Variants in KDM1B observed in about 807,000 individuals in gnomAD.
KDM1B encodes lysine-specific histone demethylase 2.
KDM1B carries 63 observed loss-of-function variants against 107.4 expected under a neutral mutation model. That is an observed-to-expected ratio of 0.59 (90% confidence interval 0.48 to 0.72). The LOEUF (loss-of-function observed/expected upper bound fraction) is 0.72, where lower values mean the gene tolerates loss of function less well. Ranked by LOEUF, KDM1B falls within the 30% of genes least tolerant of loss-of-function variation. The probability of loss-of-function intolerance (pLI) is 0.00; values close to 1 mark genes in which losing one functional copy is unlikely to be tolerated. For synonymous variants in KDM1B, 363 were observed against 363.9 expected (o/e 1.00, Z 0.03); for missense variants, 749 against 1,020.8 (o/e 0.73, Z 3.63).
chr6:18,176,012 T>C (rs868055477), intron 7 of KDM1B, among the ~76,000 whole-genome samples: 2 of 152,134 alleles, frequency 1.3e-5, no homozygotes, highest in South Asian at 4.1e-4. Context: ...ATGATAGTAG[T>C]ATTTTGATGG....
chr6:18,188,016 C>T lies in KDM1B; in HGVS notation c.784+14C>T, dbSNP rs771695380. On this transcript the variant is annotated intron_variant, in intron 9 of 21. Transcript: ENST00000650836. ...TCTCCGTGCACGGTGAGAGCCATTC[C>T]TGGGACTCCCTGCTTTCTATTCCCC... The T allele has an allele frequency of 6.3e-5, 97 of 1,544,494 alleles. No individual in the cohort carries two copies. The highest frequency in any genetic ancestry group is 7.7e-5 in the Non-Finnish European group (88 of 1,141,970).
intron 17 of KDM1B, among the ~76,000 whole-genome samples, chr6:18,208,906 G>A (rs1202300734): frequency 2.7e-5 from 4 of 150,364 alleles, no homozygotes; most frequent in East Asian, 3.9e-4. Context: ...CGCCCGCCTC[G>A]GCCTCCCAAA....
At position 18,191,530 on chromosome 6, in the gene KDM1B, G is replaced by A; in HGVS notation, c.969+149G>A. ...ATTTGGGCAGATAATTCTTTGTGGT[G>A]GGGACTGTCTTTGCACTGTAGGATA... is the stretch of plus-strand genomic sequence containing the variant. On this transcript the variant is annotated intron_variant, in intron 10 of 21. Transcript: ENST00000650836. The surrounding 1 kb of genome is among the most constrained non-coding windows in gnomAD (Gnocchi z 5.1). 1.1e-6 allele frequency: 1 copy of A among 885,820 alleles called. No homozygotes were observed. Among genetic ancestry groups the A allele is most frequent in the East Asian group, 2.7e-5 (1 of 37,262 alleles). 54.9% of individuals were successfully genotyped at this position (885,820 alleles called of 1,614,324 possible).
At chr6:18,217,712 A>G (rs369107327) in intron 20 of KDM1B, 21 bp from the exon 21 acceptor site, 4 of 1,606,820 alleles carry the variant, frequency 2.5e-6, no homozygotes, top group Non-Finnish European at 3.4e-6. Flanking sequence ...CTACTTCATA[A>G]TTCCTTTCTA....
rs529774829 is a variant in KDM1B at position 18,201,111 on chromosome 6, A to C, written c.1360-375A>C. Among the ~76,000 whole-genome samples the C allele has an allele frequency of 6.6e-6, 1 of 152,204 alleles. No individual in the cohort carries two copies. The highest frequency in any genetic ancestry group is 1.5e-5 in the Non-Finnish European group (1 of 68,040). ...TGAAATGTTTATTGATGGTCAATTC[A>C]ATTTCAACTTCTGCTATGAGTGTTT... On this transcript the variant is annotated intron_variant, in intron 13 of 21. Coordinates refer to ENST00000650836, the MANE Select transcript of KDM1B (RefSeq NM_001364614.2). The surrounding 1 kb of genome is among the most constrained non-coding windows in gnomAD (Gnocchi z 4.3).
chr6:18,184,736 C>CTTTTTTTT (rs58897300), intron 7 of KDM1B, among the ~76,000 whole-genome samples: 12,533 of 65,214 alleles, frequency 0.19, 2,658 homozygotes, highest in Non-Finnish European at 0.23. Context: ...AGCTTTTTTC[C>CTTTTTTTT]TTTTTTTTTT....
intron 7 of KDM1B, among the ~76,000 whole-genome samples, chr6:18,185,432 G>A (rs1184446776): frequency 6.6e-6 from 1 of 151,994 alleles, no homozygotes; most frequent in Non-Finnish European, 1.5e-5. Context: ...CTCTCCAGTA[G>A]CTGAGATTAC....
chr6:18,174,116 G>A (rs1005862302), intron 7 of KDM1B, among the ~76,000 whole-genome samples: 1 of 152,118 alleles, frequency 6.6e-6, no homozygotes, highest in African/African-American at 2.4e-5. Context: ...AAATCAATTG[G>A]CCGTATGTGT....
intron 20 of KDM1B, 27 bp from the exon 21 acceptor site, chr6:18,217,706 T>C: frequency 1.2e-6 from 2 of 1,604,026 alleles, no homozygotes. Context: ...TTGATCCTAC[T>C]TCATAATTCC....
Position 18,159,191 on chromosome 6 carries a change from C to A in KDM1B, c.-13-692C>A, listed in dbSNP as rs1247590822. ...CAATGTTGGTCAGACTGGTCTCGAA[C>A]TCCTGACCTCATGATCCGCCTGCCT... On this transcript the variant is annotated intron_variant, in intron 2 of 21. Transcript: ENST00000650836. The surrounding 1 kb of genome is among the most constrained non-coding windows in gnomAD (Gnocchi z 4.5). Among the ~76,000 whole-genome samples the A allele has an allele frequency of 6.6e-6, 1 of 152,186 alleles. No homozygotes were observed. Among genetic ancestry groups the A allele is most frequent in the African/African-American group, 2.4e-5 (1 of 41,446 alleles).
rs1426467420 is a variant in KDM1B at position 18,186,578 on chromosome 6, A to G, written c.573+768A>G. Among the ~76,000 whole-genome samples, 1 of 152,152 alleles carries G rather than the reference A, an allele frequency of 6.6e-6. No individual in the cohort carries two copies. On this transcript the variant is annotated intron_variant, in intron 8 of 21. Transcript: ENST00000650836. The surrounding 1 kb of genome is among the most constrained non-coding windows in gnomAD (Gnocchi z 5.6). ...TTCTGTTATATAAAAGGGTGTTTGCATGTGTATTAGTCCGTTCTCACGCTG... is the reference window on the plus strand; with the variant it reads ...TTCTGTTATATAAAAGGGTGTTTGCGTGTGTATTAGTCCGTTCTCACGCTG...
intron 7 of KDM1B, among the ~76,000 whole-genome samples, chr6:18,180,338 C>T (rs1786373124): frequency 6.6e-6 from 1 of 151,976 alleles, no homozygotes; most frequent in African/African-American, 2.4e-5. Context: ...TCCCAGATTA[C>T]TTGACAATGA....
Position 18,214,570 on chromosome 6 carries a change from C to T in KDM1B, c.2110-437C>T, listed in dbSNP as rs892792434. 2.6e-5 allele frequency among the ~76,000 whole-genome samples: 4 copies of T among 152,102 alleles called. No individual in the cohort carries two copies. The highest frequency in any genetic ancestry group is 5.9e-5 in the Non-Finnish European group (4 of 68,026). On this transcript the variant is annotated intron_variant, in intron 19 of 21. Transcript: ENST00000650836. This position sits in a 1 kb window ranked among gnomAD's most constrained non-coding sequence, Gnocchi z 4.4. The stretch of plus-strand genomic sequence containing the variant: ...GCGAGGAAAATGGACTGGCGAGTGA[C>T]GTGCGGATAAGGGACAGCCAGAAAT...
Position 18,201,277 on chromosome 6 carries a change from A to C in KDM1B, c.1360-209A>C, listed in dbSNP as rs214613. 6.6e-6 allele frequency among the ~76,000 whole-genome samples: 1 copy of C among 152,068 alleles called. No homozygotes were observed. The highest frequency in any genetic ancestry group is 2.4e-5 in the African/African-American group (1 of 41,372). On this transcript the variant is annotated intron_variant, in intron 13 of 21. Transcript: ENST00000650836. The surrounding 1 kb of genome is among the most constrained non-coding windows in gnomAD (Gnocchi z 4.3). ...TAGGAGCTGTTGCTGCCCCTCTCAC[A>C]TTCTCATCAAATAAAATCTTGTAGA... is the stretch of plus-strand genomic sequence containing the variant.
chr6:18,165,801 G>A (rs1019301894), intron 5 of KDM1B, among the ~76,000 whole-genome samples: 2 of 152,186 alleles, frequency 1.3e-5, no homozygotes, highest in Non-Finnish European at 2.9e-5. Flanking sequence ...CAGCCTGGGT[G>A]ACAGAGTGAG....
chr6:18,171,683 A>G (rs905872257), intron 7 of KDM1B, among the ~76,000 whole-genome samples: 11 of 152,222 alleles, frequency 7.2e-5, no homozygotes, highest in African/African-American at 2.2e-4. Flanking sequence ...ATAGGTAAGC[A>G]GTTAAGACAT....
Position 18,213,743 on chromosome 6 carries a change from C to G in KDM1B, c.2071C>G (p.Arg691Gly). ...FGHVPPSASK[R>G]GLFAVFYDMD... is the part of the protein sequence containing the mutation. ...TCACGTTCCTCCCAGTGCCAGCAAG[C>G]GAGGGCTTTTTGCCGTGTTCTATGA... The change falls in exon 19 of 22, where the codon CGA becomes GGA. Residue 691 changes from arginine to glycine, a missense_variant. Transcript: ENST00000650836. This position sits in a 1 kb window ranked among gnomAD's most constrained non-coding sequence, Gnocchi z 5.9. The G allele has an allele frequency of 5.0e-6, 8 of 1,614,004 alleles. No individual in the cohort carries two copies. The highest frequency in any genetic ancestry group is 6.8e-6 in the Non-Finnish European group (8 of 1,179,904).
Position 18,217,722 on chromosome 6 carries a change from A to G in KDM1B, c.2233-11A>G, listed in dbSNP as rs1401590308. ...TGATCCTACTTCATAATTCCTTTCTATTGGACATAGGAGGTCCCAGATCCC... is the reference window on the plus strand; with the variant it reads ...TGATCCTACTTCATAATTCCTTTCTGTTGGACATAGGAGGTCCCAGATCCC... On this transcript the variant is annotated splice_polypyrimidine_tract_variant and intron_variant, in intron 20 of 21. Transcript: ENST00000650836. 10 of 1,608,790 alleles carry G rather than the reference A, an allele frequency of 6.2e-6. No individual in the cohort carries two copies. The highest frequency in any genetic ancestry group is 1.3e-5 in the African/African-American group (1 of 74,190).
rs1263078426 is a variant in KDM1B, at chr6:18,204,324, A to G, written c.1532-1213A>G. 6.6e-6 allele frequency among the ~76,000 whole-genome samples: 1 copy of G among 152,010 alleles called. No individual in the cohort carries two copies. The highest frequency in any genetic ancestry group is 1.5e-5 in the Non-Finnish European group (1 of 68,006). On this transcript the variant is annotated intron_variant, in intron 14 of 21. Transcript: ENST00000650836. This position sits in a 1 kb window ranked among gnomAD's most constrained non-coding sequence, Gnocchi z 4.9. ...ACATGGTGAAACCCATCTCTACTAAAAATTCAAAAATTAGCTGGGCATAGA... is the reference window on the plus strand; with the variant it reads ...ACATGGTGAAACCCATCTCTACTAAGAATTCAAAAATTAGCTGGGCATAGA...
Sources: gnomAD v4.1 joint callset for allele counts (sites outside exome capture counted in the v4.1 genomes callset) on GRCh38, gnomAD v4.1.1 for gene constraint, Gnocchi (gnomAD v3.1) non-coding constraint, MANE v1.5 for transcripts, NCBI Gene and HGNC (gene_info 2026-07-23, HGNC 2026-07-21) for gene names.